The following ANO3 variants were observed in gnomAD, a reference collection of about 807,000 sequenced individuals.
The protein encoded by ANO3 is anoctamin-3.
In ANO3, 99 loss-of-function variants were observed where a neutral mutation model predicts 144.8. The observed-to-expected ratio is 0.68, with a 90% CI of 0.58 to 0.81. The LOEUF is 0.81. Ranked by LOEUF, ANO3 falls within the 30% of genes least tolerant of loss-of-function variation. The pLI is 0.00. For synonymous variants in ANO3, 414 were observed against 392.6 expected, an observed-to-expected ratio of 1.05 and a Z score of -0.64; for missense variants, 905 against 1,202.2, an observed-to-expected ratio of 0.75 and a Z score of 3.66.
chr11:26,293,631 G>A (rs117893350), intron 1 of ANO3, among the ~76,000 whole-genome samples: 3,124 of 136,140 alleles, frequency 0.023, 68 homozygotes, highest in East Asian at 0.14. Context: ...CCATTAAAAC[G>A]CAAAGATCAT....
intron 1 of ANO3, among the ~76,000 whole-genome samples, chr11:26,233,546 G>T (rs1457493238): frequency 6.6e-6 from 1 of 152,142 alleles, no homozygotes; most frequent in East Asian, 1.9e-4. Context: ...GTTCCTCAAG[G>T]ATCTAGAACC....
intron 1 of ANO3, among the ~76,000 whole-genome samples, chr11:26,251,676 C>T (rs1193297808): frequency 6.6e-6 from 1 of 152,162 alleles, no homozygotes; most frequent in Non-Finnish European, 1.5e-5. Context: ...GGTTAATTGA[C>T]TCACAGTTCT....
chr11:26,210,145 CTTGAG>C (rs1851902825), intron 1 of ANO3, among the ~76,000 whole-genome samples: 11 of 152,078 alleles, frequency 7.2e-5, no homozygotes, highest in Admixed American at 5.9e-4. Flanking sequence ...TTTCATCTAT[CTTGAG>C]TTAATTTTTG....
rs1852676027 is a variant in ANO3 at position 26,242,114 on chromosome 11, T to C, written c.154+52784T>C. ...ACAAAAGCAAAGAAAGAGGGACTGA[T>C]GATAGTTGAAATTGTTGAAAACATT... is the stretch of plus-strand genomic sequence containing the variant. On this transcript the variant is annotated intron_variant, in intron 1 of 27. Transcript: ENST00000672621. Among the ~76,000 whole-genome samples, 4 of 152,318 alleles carry C rather than the reference T, an allele frequency of 2.6e-5. No homozygotes were observed. In the South Asian group the frequency reaches 8.3e-4, roughly 32 times the overall value.
At chr11:26,560,837 CA>C (rs1276972406) in intron 14 of ANO3, 1 of 392,410 alleles carries the variant, frequency 2.5e-6, no homozygotes, top group Non-Finnish European at 4.5e-6. Flanking sequence ...TACTAAAATA[CA>C]AATTAAGGCT....
intron 4 of ANO3, among the ~76,000 whole-genome samples, chr11:26,467,241 C>A (rs1417928499): frequency 6.6e-6 from 1 of 151,768 alleles, no homozygotes; most frequent in Non-Finnish European, 1.5e-5. Flanking sequence ...ATAATAATTA[C>A]ATTGGGATAA....
At chr11:26,549,810 G>T (rs1362363403) in intron 12 of ANO3, among the ~76,000 whole-genome samples, 1 of 151,888 alleles carries the variant, frequency 6.6e-6, no homozygotes, top group African/African-American at 2.4e-5. Context: ...AGGAAGCAGA[G>T]CTGAAGCCCC....
At chr11:26,623,839 T>C (rs1393326312) in intron 17 of ANO3, among the ~76,000 whole-genome samples, 1 of 152,128 alleles carries the variant, frequency 6.6e-6, no homozygotes, top group Non-Finnish European at 1.5e-5. Flanking sequence ...CAGGCTGGAG[T>C]GCAGTGGCAC....
At chr11:26,629,115 A>G (rs1852686831) in intron 18 of ANO3, among the ~76,000 whole-genome samples, 1 of 152,092 alleles carries the variant, frequency 6.6e-6, no homozygotes, top group South Asian at 2.1e-4. Flanking sequence ...TTTAACTGCT[A>G]CCAATGTAAC....
intron 1 of ANO3, among the ~76,000 whole-genome samples, chr11:26,272,313 T>C (rs1853457364): frequency 6.6e-6 from 1 of 152,052 alleles, no homozygotes; most frequent in Admixed American, 6.6e-5. Flanking sequence ...TGTCTGCAAC[T>C]GCCTGCCATT....
chr11:26,204,183 G>A (rs1376999989), intron 1 of ANO3, among the ~76,000 whole-genome samples: 1 of 152,036 alleles, frequency 6.6e-6, no homozygotes, highest in Non-Finnish European at 1.5e-5. Flanking sequence ...TTCCCTGGGA[G>A]GCTGCTTACA....
intron 1 of ANO3, among the ~76,000 whole-genome samples, chr11:26,276,231 T>A (rs555348721): frequency 1.3e-5 from 2 of 152,058 alleles, no homozygotes; most frequent in Non-Finnish European, 2.9e-5. Flanking sequence ...TATCGTTGCA[T>A]ATGAGAAGAG....
intron 1 of ANO3, among the ~76,000 whole-genome samples, chr11:26,206,622 A>G (rs945293333): frequency 2.6e-5 from 4 of 152,208 alleles, no homozygotes; most frequent in Non-Finnish European, 5.9e-5. Context: ...GCAGAGAAAA[A>G]CATGTACAAG....
At chr11:26,220,951 T>C (rs1391684043) in intron 1 of ANO3, among the ~76,000 whole-genome samples, 3 of 152,192 alleles carry the variant, frequency 2.0e-5, no homozygotes, top group Admixed American at 2.0e-4. Flanking sequence ...CTTGGGTGCA[T>C]ACAGCACTGC....
chr11:26,542,513 CA>C (rs1001401650), intron 11 of ANO3, among the ~76,000 whole-genome samples: 1 of 151,522 alleles, frequency 6.6e-6, no homozygotes, highest in African/African-American at 2.4e-5. Flanking sequence ...TCAACTTAAC[CA>C]GAAGTAATTT....
At chr11:26,199,462 C>T (rs914978409) in intron 1 of ANO3, among the ~76,000 whole-genome samples, 2 of 152,106 alleles carry the variant, frequency 1.3e-5, no homozygotes, top group African/African-American at 4.8e-5. Flanking sequence ...GCAGAATTCA[C>T]GTGGGTCTTT....
chr11:26,302,794 G>A (rs1304609921), intron 1 of ANO3, among the ~76,000 whole-genome samples: 7 of 151,996 alleles, frequency 4.6e-5, no homozygotes, highest in African/African-American at 7.2e-5. Flanking sequence ...AAATTATGAT[G>A]CTATCACGCA....
At chr11:26,580,463 A>G (rs1851100020) in intron 14 of ANO3, among the ~76,000 whole-genome samples, 2 of 152,154 alleles carry the variant, frequency 1.3e-5, no homozygotes, top group Non-Finnish European at 2.9e-5. Flanking sequence ...AATTTCCTAT[A>G]GTTTCTGGCT....
Position 26,444,565 on chromosome 11 carries a change from T to A in ANO3, c.313+729T>A, listed in dbSNP as rs11029560. ...AACTCTGGTTACACATTCAGATCAC[T>A]GGAGGGCTTTTCAAAACTCCTGGAT... On this transcript the variant is annotated intron_variant, in intron 3 of 26. Coordinates refer to ENST00000256737, the MANE Select transcript of ANO3 (RefSeq NM_031418.4). Among the ~76,000 whole-genome samples, 3 of 151,894 alleles carry A rather than the reference T, an allele frequency of 2.0e-5. No individual in the cohort carries two copies. The South Asian group carries it at 6.2e-4, about 31-fold the overall frequency.
Sources: gnomAD v4.1 joint callset for allele counts (sites outside exome capture counted in the v4.1 genomes callset) on GRCh38, gnomAD v4.1.1 for gene constraint, MANE v1.5 for transcripts, NCBI Gene and HGNC (gene_info 2026-07-23, HGNC 2026-07-21) for gene names.